Variants in DDOST observed in about 807,000 individuals in gnomAD.
DDOST encodes the protein dolichyl-diphosphooligosaccharide--protein glycosyltransferase non-catalytic subunit.
In DDOST, 25 loss-of-function variants were observed where a neutral mutation model predicts 47.6. The observed-to-expected ratio is 0.53, with a 90% confidence interval of 0.38 to 0.73. The LOEUF is 0.73. DDOST is among the 30% of genes least tolerant of loss of function. The pLI is 0.00. For synonymous variants in DDOST, 275 were observed against 236.0 expected (o/e 1.17, Z -1.51); for missense variants, 526 against 573.9 (o/e 0.92, Z 0.85).
At position 20,652,161 on chromosome 1, in the gene DDOST, A is replaced by T; in HGVS notation, c.*218T>A. 1 of 475,074 alleles carries T rather than the reference A, an allele frequency of 2.1e-6. No individual in the cohort carries two copies. Among genetic ancestry groups the T allele is most frequent in the Non-Finnish European group, 3.7e-6 (1 of 272,178 alleles). The allele number at this position is 475,074 out of a possible 1,614,324, so 29.4% of individuals were successfully genotyped here. On this transcript the variant is annotated 3_prime_UTR_variant, in exon 11 of 11. Coordinates refer to ENST00000602624, the MANE Select transcript of DDOST (RefSeq NM_005216.5). ...TTAGAAATGAGAGGAGTGACTGCAC[A>T]TAGGAAAAATGCCACTTTTAGCAAT...
At chr1:20,660,774 C>A (rs1314900838) in intron 2 of DDOST, 107 bp downstream of exon 2, 6 of 684,344 alleles carry the variant, frequency 8.8e-6, no homozygotes, top group African/African-American at 3.6e-5. Context: ...CCATCCAGGA[C>A]TGGCAACCCA....
intron 2 of DDOST, among the ~76,000 whole-genome samples, chr1:20,658,411 C>T (rs1294595283): frequency 5.9e-5 from 9 of 152,280 alleles, no homozygotes; most frequent in Admixed American, 5.2e-4. Flanking sequence ...ACCCCGAACC[C>T]TGCCCTGCAG....
intron 1 of DDOST, 34 bp downstream of exon 1, chr1:20,661,163 C>A: frequency 6.2e-7 from 1 of 1,603,644 alleles, no homozygotes; most frequent in Non-Finnish European, 8.5e-7. Context: ...AACCCCAGGC[C>A]CCCACACGCT....
chr1:20,652,374 G>GCC lies in DDOST; in HGVS notation c.*3_*4dup, dbSNP rs748686232. On this transcript the variant is annotated 3_prime_UTR_variant, in exon 11 of 11. Coordinates refer to ENST00000602624, the MANE Select transcript of DDOST (RefSeq NM_005216.5). ...TCCACGCTGTGCGGAGAGGGCTCTA[G>GCC]CCCCTCAGTCGGACTTCTCCTTCTC... The GCC allele has an allele frequency of 1.7e-5, 27 of 1,608,476 alleles. 1 individual carries two copies. In the Admixed American group the frequency reaches 2.0e-4, roughly 12 times the overall value.
At chr1:20,658,664 G>A (rs977203140) in intron 2 of DDOST, among the ~76,000 whole-genome samples, 6 of 152,178 alleles carry the variant, frequency 3.9e-5, no homozygotes, top group Non-Finnish European at 8.8e-5. Flanking sequence ...CCTTTTTCAA[G>A]AGGGAACCTC....
At chr1:20,657,362 G>A (rs929556488) in intron 2 of DDOST, among the ~76,000 whole-genome samples, 4 of 152,192 alleles carry the variant, frequency 2.6e-5, no homozygotes, top group East Asian at 3.9e-4. Flanking sequence ...TTTGAAGGAC[G>A]ATCCTGGCAG....
At chr1:20,658,526 G>A (rs879654516) in intron 2 of DDOST, among the ~76,000 whole-genome samples, 6 of 152,376 alleles carry the variant, frequency 3.9e-5, no homozygotes, top group African/African-American at 7.2e-5. Flanking sequence ...TGCGGGAACC[G>A]GGCTTTAAAT....
chr1:20,659,969 G>A (rs2053417943), intron 2 of DDOST, among the ~76,000 whole-genome samples: 1 of 152,162 alleles, frequency 6.6e-6, no homozygotes, highest in African/African-American at 2.4e-5. Flanking sequence ...ATTAACTGAA[G>A]GGAGGAAGGC....
At position 20,651,801 on chromosome 1, in the gene DDOST, T is replaced by TTTTTTTTTTTTTTTTATTTATTTA. The variant is rs886045853; in HGVS notation, c.*577_*578insTAAATAAATAAAAAAAAAAAAAAA. 3 of 147,120 alleles carry TTTTTTTTTTTTTTTTATTTATTTA rather than the reference T, an allele frequency of 2.0e-5. No homozygotes were observed. The highest frequency in any genetic ancestry group is 2.2e-4 in the South Asian group (1 of 4,516). The allele number at this position is 147,120 out of a possible 1,614,324, so 9.1% of individuals were successfully genotyped here. Reference sequence around the variant, plus strand: ...GTTTGAGGGCAACATCTCGCTTTATTTTTATTTATTTATTTATTTATTTAT... The same window carrying TTTTTTTTTTTTTTTTATTTATTTA: ...GTTTGAGGGCAACATCTCGCTTTATTTTTTTTTTTTTTTTTATTTATTTATTTATTTATTTATTTATTTATTTAT... On this transcript the variant is annotated 3_prime_UTR_variant, in exon 11 of 11. Transcript: ENST00000602624.
intron 2 of DDOST, among the ~76,000 whole-genome samples, chr1:20,659,228 C>A (rs528481180): frequency 6.6e-6 from 1 of 151,270 alleles, no homozygotes; most frequent in Admixed American, 6.6e-5. Flanking sequence ...ACAGGAGATA[C>A]GTAACATGGT....
rs710319 is a variant in DDOST, at chr1:20,655,178, T to G, written c.551+262A>C. ...CTCGGCCAACTTTTTTTTGTTTTTT[T>G]TTTTTTTTTTTTTTTTTAAAGAGAG... is the stretch of plus-strand genomic sequence containing the variant. On this transcript the variant is annotated intron_variant, in intron 5 of 10. Transcript: ENST00000602624. 0.39 allele frequency among the ~76,000 whole-genome samples: 58,148 copies of G among 148,166 alleles called. 11,397 individuals are homozygous for G. Among genetic ancestry groups the G allele is most frequent in the Middle Eastern group, 0.45 (132 of 294 alleles).
chr1:20,661,333 C>A lies in DDOST; in HGVS notation c.18G>T (p.Ala6=), dbSNP rs1473030413. ...ACCAAAAGAGGGCCCAAGCCCGGGC[C>A]GCGGTGCTGGGCTCCATCTTCCTCC... MEPST[A]ARAWALFWLL... Residue 6 remains alanine, a synonymous_variant, in exon 1 of 11, where the codon GCG becomes GCT. Transcript: ENST00000602624. 6.2e-7 allele frequency: 1 copy of A among 1,613,440 alleles called. No homozygotes were observed. Among genetic ancestry groups the A allele is most frequent in the East Asian group, 2.2e-5 (1 of 44,856 alleles).
chr1:20,652,782 T>G (rs2154534188), intron 9 of DDOST, 55 bp from the exon 10 acceptor site: 2 of 1,610,800 alleles, frequency 1.2e-6, no homozygotes, highest in Non-Finnish European at 1.7e-6. Context: ...CTTTTCCTGG[T>G]TGGGCCTCGA....
chr1:20,654,465 C>G, intron 6 of DDOST, 94 bp from the exon 7 acceptor site: 2 of 1,457,278 alleles, frequency 1.4e-6, no homozygotes. Context: ...CAGACCAAAA[C>G]GACCCTGGCC....
intron 5 of DDOST, 53 bp downstream of exon 5, chr1:20,655,387 T>G (rs1306021261): frequency 1.4e-6 from 2 of 1,390,860 alleles, no homozygotes; most frequent in Non-Finnish European, 1.0e-6. Context: ...AAAAATTAAG[T>G]GACCCCTTCT....
At chr1:20,653,410 A>G (rs1376329524) in intron 8 of DDOST, among the ~76,000 whole-genome samples, 1 of 152,194 alleles carries the variant, frequency 6.6e-6, no homozygotes, top group East Asian at 1.9e-4. Flanking sequence ...CCCCCATAGC[A>G]AATACACACA....
rs1451852932 is a variant in DDOST, at chr1:20,656,139, C to T, written c.314G>A (p.Gly105Asp). ...NVETISAFIDGGGSVLVAASS... is the reference protein window; with the variant it reads ...NVETISAFIDDGGSVLVAASS... ...GGCAGCTACCAGCACACTGCCTCCG[C>T]CGTCAATAAAGGCACTGATGGTCTC... is the stretch of plus-strand genomic sequence containing the variant. The change falls in exon 3 of 11, where the codon GGC (glycine) becomes GAC (aspartate). Residue 105 changes from glycine (G) to aspartate (D), a missense_variant. Physicochemically the swap from Gly to Asp is moderately conservative, Grantham distance 94. Coordinates refer to ENST00000602624, the MANE Select transcript of DDOST (RefSeq NM_005216.5). 3 of 1,614,142 alleles carry T rather than the reference C, an allele frequency of 1.9e-6. 1 individual carries two copies. The highest frequency in any genetic ancestry group is 2.2e-5 in the South Asian group (2 of 91,080).
chr1:20,653,896 G>C (rs540604345), intron 7 of DDOST, 122 bp from the exon 8 acceptor site: 1 of 1,163,938 alleles, frequency 8.6e-7, no homozygotes, highest in South Asian at 1.6e-5. Flanking sequence ...GTAGGCCTTG[G>C]GCACCTAGGG....
intron 2 of DDOST, among the ~76,000 whole-genome samples, chr1:20,656,496 T>C (rs1047020544): frequency 2.0e-5 from 3 of 152,230 alleles, no homozygotes; most frequent in African/African-American, 4.8e-5. Flanking sequence ...ATAGGAAATA[T>C]GCATTTGGAA....
Sources: allele counts gnomAD v4.1 joint callset (sites outside exome capture counted in the v4.1 genomes callset), GRCh38; gene constraint gnomAD v4.1.1; transcripts MANE v1.5; gene names NCBI Gene and HGNC (gene_info 2026-07-23, HGNC 2026-07-21).